Variants in ZNF514 observed in about 807,000 individuals in gnomAD.
ZNF514 encodes zinc finger protein 514.
A neutral mutation model predicts 9.7 loss-of-function variants in ZNF514; 12 were observed. That is an observed-to-expected ratio of 1.24 (90% CI 0.79 to 2.01). The LOEUF is 2.01. ZNF514 is among the 30% of genes most tolerant of loss of function. The probability of loss-of-function intolerance (pLI) is 0.00; values close to 1 mark genes in which losing one functional copy is unlikely to be tolerated. For missense variants in ZNF514, 467 were observed against 465.5 expected, an observed-to-expected ratio of 1.00 and a Z score of -0.03; for synonymous variants, 158 against 163.7, an observed-to-expected ratio of 0.97 and a Z score of 0.27.
the ZNF514 span, among the ~76,000 whole-genome samples, chr2:95,136,350 T>A: frequency 6.6e-6 from 1 of 151,968 alleles, no homozygotes; most frequent in Non-Finnish European, 1.5e-5. Context: ...CAGGTTCATG[T>A]GATTCTCCGG....
downstream of ZNF514, among the ~76,000 whole-genome samples, chr2:95,144,236 T>C (rs764877010): frequency 1.3e-5 from 2 of 152,176 alleles, no homozygotes; most frequent in Non-Finnish European, 2.9e-5. Flanking sequence ...CATTTTCTGA[T>C]AGTTTATGCT....
At chr2:95,124,002 C>T in the ZNF514 span, among the ~76,000 whole-genome samples, 370 of 152,320 alleles carry the variant, frequency 2.4e-3, 2 homozygotes, top group African/African-American at 8.4e-3. Context: ...TATAGTACAA[C>T]ATCAAAACCA....
At chr2:95,125,621 A>G in the ZNF514 span, among the ~76,000 whole-genome samples, 2 of 152,198 alleles carry the variant, frequency 1.3e-5, no homozygotes, top group Non-Finnish European at 2.9e-5. Context: ...ATCTATCCAC[A>G]GAAGTCTTTT....
chr2:95,130,417 C>CG, the ZNF514 span, among the ~76,000 whole-genome samples: 1 of 152,120 alleles, frequency 6.6e-6, no homozygotes, highest in African/African-American at 2.4e-5. Flanking sequence ...TTGAGATCAA[C>CG]GGGTCTGAAC....
the ZNF514 span, among the ~76,000 whole-genome samples, chr2:95,137,183 C>T: frequency 1.3e-5 from 2 of 152,128 alleles, no homozygotes; most frequent in African/African-American, 4.8e-5. Flanking sequence ...GATTACCACG[C>T]CAAAGAAGCA....
the ZNF514 span, among the ~76,000 whole-genome samples, chr2:95,125,295 T>C: frequency 2.7e-5 from 4 of 149,320 alleles, no homozygotes; most frequent in African/African-American, 7.4e-5. Flanking sequence ...GGCTGGAGTA[T>C]AGTGGCATGA....
the ZNF514 span, among the ~76,000 whole-genome samples, chr2:95,138,464 T>C: frequency 6.6e-6 from 1 of 152,208 alleles, no homozygotes; most frequent in South Asian, 2.1e-4. Flanking sequence ...CCATTATGCC[T>C]TAGCAAAGAA....
chr2:95,152,723 C>G lies in ZNF514; in HGVS notation c.168G>C (p.Gly56=). 1 of 1,614,194 alleles carries G rather than the reference C, an allele frequency of 6.2e-7. No individual in the cohort carries two copies. The highest frequency in any genetic ancestry group is 8.5e-7 in the Non-Finnish European group (1 of 1,180,034). The stretch of plus-strand genomic sequence containing the variant: ...CTCTCTCCACCATGAAGGGCTCACC[C>G]CCTTCCTCCAACTGGCAGATCACAT... ...KPYVICQLEE[G]GEPFMVEREI... The change falls in exon 4 of 5, where the codon GGG becomes GGC. Residue 56 remains glycine (G), a synonymous_variant. Coordinates refer to ENST00000295208, the MANE Select transcript of ZNF514 (RefSeq NM_032788.3).
the ZNF514 span, among the ~76,000 whole-genome samples, chr2:95,127,670 T>C: frequency 6.6e-6 from 1 of 152,226 alleles, no homozygotes; most frequent in Admixed American, 6.5e-5. Context: ...CAGGCTGTAG[T>C]GCAGTGGCAT....
chr2:95,149,132 A>G lies in ZNF514; in HGVS notation c.*150T>C. On this transcript the variant is annotated 3_prime_UTR_variant, in exon 5 of 5. Transcript: ENST00000295208. ...AAGCCCACCCCCTCTTGACATTGAC[A>G]GGGATTCTCTTTAGTAATTATTGCC... 1 of 993,612 alleles carries G rather than the reference A, an allele frequency of 1.0e-6. No individual in the cohort carries two copies. The highest frequency in any genetic ancestry group is 1.9e-5 in the South Asian group (1 of 51,478). The allele number at this position is 993,612 out of a possible 1,614,324, so 61.5% of individuals were successfully genotyped here. A position where few individuals can be genotyped will look rare whatever the true frequency, so the allele number is the denominator to read the frequency against.
the ZNF514 span, among the ~76,000 whole-genome samples, chr2:95,135,308 CTTTT>C: frequency 1.3e-5 from 2 of 151,926 alleles, no homozygotes; most frequent in African/African-American, 4.8e-5. Context: ...TTTGCCACTT[CTTTT>C]GTTAAATTTA....
At chr2:95,151,812 C>CA (rs1266953809) in intron 4 of ZNF514, among the ~76,000 whole-genome samples, 1 of 152,152 alleles carries the variant, frequency 6.6e-6, no homozygotes, top group African/African-American at 2.4e-5. Context: ...GTTAAATAAA[C>CA]AGATGACTAG....
intron 2 of ZNF514, chr2:95,154,687 C>T (rs1673643370): frequency 1.3e-5 from 2 of 152,080 alleles, no homozygotes; most frequent in Non-Finnish European, 2.9e-5. Context: ...GTTTGCAAAA[C>T]AAAAATGGAA....
chr2:95,144,087 G>A (rs533501861), downstream of ZNF514, among the ~76,000 whole-genome samples: 6 of 152,122 alleles, frequency 3.9e-5, no homozygotes, highest in African/African-American at 9.7e-5. Flanking sequence ...TCAGGGCAGC[G>A]GTCCCAACTG....
downstream of ZNF514, among the ~76,000 whole-genome samples, chr2:95,140,148 G>A (rs1274329183): frequency 1.3e-5 from 2 of 152,138 alleles, no homozygotes; most frequent in Non-Finnish European, 2.9e-5. Context: ...GGGGAGCTGA[G>A]GGTGGGGATA....
In ZNF514 at chr2:95,146,140, C is replaced by T. The variant is rs1352138221; in HGVS notation, c.*3142G>A. Among the ~76,000 whole-genome samples, 1 of 152,174 alleles carries T rather than the reference C, an allele frequency of 6.6e-6. No homozygotes were observed. Among genetic ancestry groups the T allele is most frequent in the Non-Finnish European group, 1.5e-5 (1 of 68,030 alleles). On this transcript the variant is annotated 3_prime_UTR_variant, in exon 5 of 5. Coordinates refer to ENST00000295208, the MANE Select transcript of ZNF514 (RefSeq NM_032788.3). Reference sequence around the variant, plus strand: ...TAAGGCAAATGCTGGTCAACTGTGCCTACAGGTCACTCATATTTATCTCAG... The same window carrying T: ...TAAGGCAAATGCTGGTCAACTGTGCTTACAGGTCACTCATATTTATCTCAG...
At chr2:95,126,772 T>G in the ZNF514 span, among the ~76,000 whole-genome samples, 1 of 152,190 alleles carries the variant, frequency 6.6e-6, no homozygotes, top group Admixed American at 6.5e-5. Context: ...TTCTTTTTTT[T>G]TCTTTTCTTT....
chr2:95,159,264 CCAGGCT>C lies in ZNF514; in HGVS notation c.-126_-121del. The C allele has an allele frequency of 5.4e-6, 1 of 185,348 alleles. No individual in the cohort carries two copies. Among genetic ancestry groups the C allele is most frequent in the Non-Finnish European group, 1.1e-5 (1 of 87,476 alleles). The allele number at this position is 185,348 out of a possible 1,614,324, so 11.5% of individuals were successfully genotyped here. On this transcript the variant is annotated 5_prime_UTR_variant, in exon 1 of 5. Transcript: ENST00000295208. ...CCCCCGGCTCGGCTCCTCCTCAGGA[CCAGGCT>C]CTGGAACCCAGCTCCCACGTGGATC...
chr2:95,151,964 C>T (rs1258294235), intron 4 of ZNF514, among the ~76,000 whole-genome samples: 3 of 152,204 alleles, frequency 2.0e-5, no homozygotes, highest in Non-Finnish European at 4.4e-5. Flanking sequence ...AGGAATTTAG[C>T]ACCACTTTCC....
Sources: allele counts gnomAD v4.1 joint callset (sites outside exome capture counted in the v4.1 genomes callset), GRCh38; gene constraint gnomAD v4.1.1; transcripts MANE v1.5; gene names NCBI Gene and HGNC (gene_info 2026-07-23, HGNC 2026-07-21).